Variants in MACF1 observed in about 807,000 individuals in gnomAD.
MACF1 encodes the protein microtubule-actin cross-linking factor 1.
Under a neutral mutation model 854.8 loss-of-function variants are expected in MACF1, and 193 were observed. The ratio of observed to expected loss-of-function variants is 0.23; its 90% CI spans 0.20 to 0.25. The LOEUF (loss-of-function observed/expected upper bound fraction) is 0.25. MACF1 is among the 10% of genes least tolerant of loss of function. The probability of loss-of-function intolerance (pLI) is 1.00; values close to 1 mark genes in which losing one functional copy is unlikely to be tolerated. For synonymous variants in MACF1, 3,185 were observed against 3,226.7 expected (o/e 0.99, Z 0.44); for missense variants, 7,722 against 8,929.1 (o/e 0.86, Z 5.45).
chr1:39,205,305 C>T (rs1343959927), intron 1 of MACF1, among the ~76,000 whole-genome samples, 174 bp downstream of exon 1: 1 of 151,930 alleles, frequency 6.6e-6, no homozygotes, highest in African/African-American at 2.4e-5. Context: ...GCTGGTCTGC[C>T]CTGGGGCCAC....
chr1:39,469,438 T>C (rs1644734168), intron 96 of MACF1, 109 bp from the exon 97 acceptor site: 5 of 764,870 alleles, frequency 6.5e-6, no homozygotes, highest in Non-Finnish European at 1.2e-5. Context: ...CAGAGCTGCA[T>C]GTGGGTGCAC....
chr1:39,144,081 T>C (rs1465015810), intron 2 of MACF1, among the ~76,000 whole-genome samples: 1 of 84,720 alleles, frequency 1.2e-5, no homozygotes, highest in African/African-American at 3.7e-5. Context: ...GCCACGGCGC[T>C]TTTTTTTTTT....
intron 98 of MACF1, among the ~76,000 whole-genome samples, chr1:39,480,636 A>T: frequency 6.6e-6 from 1 of 151,878 alleles, no homozygotes; most frequent in Non-Finnish European, 1.5e-5. Flanking sequence ...TCTCTAAAAA[A>T]TAAAAATTAA....
chr1:39,397,061 T>C (rs1642302123), intron 58 of MACF1, among the ~76,000 whole-genome samples: 1 of 152,212 alleles, frequency 6.6e-6, no homozygotes, highest in African/African-American at 2.4e-5. Context: ...TGATGGTTCA[T>C]GGATGGAGGT....
intron 2 of MACF1, among the ~76,000 whole-genome samples, chr1:39,096,169 G>A (rs433065): frequency 0.35 from 50,469 of 145,658 alleles, 9,646 homozygotes; most frequent in East Asian, 0.65. Context: ...GGGTGACACA[G>A]TGAGACCCTG....
At chr1:39,294,429 C>T (rs1158136915) in intron 18 of MACF1, among the ~76,000 whole-genome samples, 4 of 152,034 alleles carry the variant, frequency 2.6e-5, no homozygotes, top group Admixed American at 6.6e-5. Flanking sequence ...ATTTAGGGTT[C>T]TTAAAAAATA....
intron 2 of MACF1, among the ~76,000 whole-genome samples, chr1:39,159,565 A>C (rs1391436488): frequency 6.6e-6 from 1 of 152,198 alleles, no homozygotes; most frequent in East Asian, 1.9e-4. Context: ...TGAAAGAGGA[A>C]GCTTTTTATT....
chr1:39,321,847 T>C (rs916634835), intron 31 of MACF1, among the ~76,000 whole-genome samples: 9 of 152,224 alleles, frequency 5.9e-5, no homozygotes, highest in African/African-American at 1.9e-4. Flanking sequence ...TTCTAGATCA[T>C]TGAAAGCTTT....
intron 23 of MACF1, among the ~76,000 whole-genome samples, chr1:39,303,831 T>G (rs1051018778): frequency 2.6e-4 from 40 of 151,384 alleles, no homozygotes; most frequent in Non-Finnish European, 1.0e-4. Context: ...GAGCCGAGAT[T>G]GCACCACTGC....
intron 40 of MACF1, among the ~76,000 whole-genome samples, chr1:39,341,786 A>C (rs4660669): frequency 0.71 from 106,944 of 150,880 alleles, 38,208 homozygotes; most frequent in South Asian, 0.84. Flanking sequence ...CTACTGAATG[A>C]CCTGTTATTA....
At chr1:39,417,712 AATTTTTTTTTTTTT>A (rs1643371632) in intron 58 of MACF1, among the ~76,000 whole-genome samples, 4 of 68,516 alleles carry the variant, frequency 5.8e-5, no homozygotes, top group South Asian at 5.6e-4. Context: ...ACACCCAGTT[AATTTTTTTTTTTTT>A]TTTTTTTTTT....
At position 39,395,829 on chromosome 1, in the gene MACF1, G is replaced by C. The variant is rs571276085; in HGVS notation, c.15816+7171G>C. ...AAGGCCTTTAAGTTTGCTTCATGTT[G>C]AACCTTTTCCAGCTCCCTTTTAAAA... On this transcript the variant is annotated intron_variant, in intron 58 of 100. Transcript: ENST00000564288. Among the ~76,000 whole-genome samples the C allele has an allele frequency of 4.0e-5, 6 of 151,826 alleles. No homozygotes were observed. The South Asian group carries it at 1.0e-3, about 26-fold the overall frequency.
chr1:39,412,810 G>A, intron 58 of MACF1: 1 of 1,612,610 alleles, frequency 6.2e-7, no homozygotes. Flanking sequence ...TGCCCTAGAT[G>A]CTGCACTGCC....
chr1:39,142,889 G>A (rs58741464), intron 2 of MACF1, among the ~76,000 whole-genome samples: 3,027 of 152,248 alleles, frequency 0.02, 107 homozygotes, highest in African/African-American at 0.07. Flanking sequence ...CACAGCTTGG[G>A]CCTCTCCAAG....
chr1:39,435,843 C>A, intron 70 of MACF1, 82 bp downstream of exon 70: 2 of 1,255,272 alleles, frequency 1.6e-6, no homozygotes, highest in Non-Finnish European at 2.3e-6. Context: ...TGTCTCTGTG[C>A]TCAGGAATGT....
In MACF1 at chr1:39,287,416, C is replaced by T. The variant is rs1021619662; in HGVS notation, c.1639C>T (p.Pro547Ser). 6 of 1,614,026 alleles carry T rather than the reference C, an allele frequency of 3.7e-6. No homozygotes were observed. The Admixed American group carries it at 5.0e-5, about 13-fold the overall frequency. ...TLTTTHLKAE[P>S]LTKATHSSST... ...AACCACCACTCATCTGAAAGCAGAA[C>T]CCTTAACCAAGGCAACCCATTCTTC... The change falls in exon 15 of 101, where the codon CCC becomes TCC. Residue 547 changes from proline to serine, a missense_variant. Pro to Ser is a moderately conservative substitution (Grantham distance 74). Around this residue, in one of 15 missense-constraint regions of MACF1, gnomAD observed 1,137 missense variants for 1,263.0 expected, o/e 0.90. Coordinates refer to ENST00000564288, the MANE Select transcript of MACF1 (RefSeq NM_001394062.1).
At chr1:39,426,747 A>C (rs1477462328) in intron 61 of MACF1, among the ~76,000 whole-genome samples, 1 of 151,774 alleles carries the variant, frequency 6.6e-6, no homozygotes, top group Non-Finnish European at 1.5e-5. Flanking sequence ...TGAGCTATAA[A>C]GTCTGTAGTT....
At chr1:39,477,026 A>G (rs1423973663) in intron 97 of MACF1, among the ~76,000 whole-genome samples, 1 of 144,690 alleles carries the variant, frequency 6.9e-6, no homozygotes, top group Non-Finnish European at 1.5e-5. Flanking sequence ...ATATATACAC[A>G]CACATATATA....
At chr1:39,239,916 G>A (rs370271302) in intron 2 of MACF1, among the ~76,000 whole-genome samples, 13 of 152,018 alleles carry the variant, frequency 8.6e-5, no homozygotes, top group East Asian at 7.7e-4. Context: ...CCTTCCGTCC[G>A]TCCGTCTTTC....
Sources: allele counts gnomAD v4.1 joint callset (sites outside exome capture counted in the v4.1 genomes callset), GRCh38; gene constraint gnomAD v4.1.1; regional missense constraint gnomAD v4.1.1; transcripts MANE v1.5; gene names NCBI Gene and HGNC (gene_info 2026-07-23, HGNC 2026-07-21).